The following TMEM108 variants were observed in gnomAD, a reference collection of about 807,000 sequenced individuals.
TMEM108 encodes cancer/testis antigen 124.
Under a neutral mutation model 35.1 loss-of-function variants are expected in TMEM108, and 12 were observed. The ratio of observed to expected loss-of-function variants is 0.34; its 90% CI spans 0.22 to 0.55. TMEM108 has a LOEUF of 0.55. Among genes scored for constraint, TMEM108 ranks in the 20% least tolerant of loss-of-function variants. TMEM108 has a pLI of 0.89. For synonymous variants in TMEM108, 287 were observed against 308.6 expected (o/e 0.93, Z 0.73); for missense variants, 680 against 753.3 (o/e 0.90, Z 1.14).
chr3:133,072,597 T>C (rs1047583151), intron 2 of TMEM108, among the ~76,000 whole-genome samples: 6 of 152,184 alleles, frequency 3.9e-5, no homozygotes, highest in African/African-American at 1.4e-4. Context: ...TTTTGCTCTT[T>C]ACCGCATACC....
In TMEM108 at chr3:133,344,176, T is replaced by TA. The variant is rs566157443; in HGVS notation, c.41-35572dup. ...TTAAAAACCCTTAAATTCAAAAAAGTAAAACCTCTCCTTAGTGCAATAAAA... is the reference window on the plus strand; with the variant it reads ...TTAAAAACCCTTAAATTCAAAAAAGTAAAAACCTCTCCTTAGTGCAATAAAA... On this transcript the variant is annotated intron_variant, in intron 3 of 5. Transcript: ENST00000321871. 4.2e-3 allele frequency among the ~76,000 whole-genome samples: 637 copies of TA among 151,866 alleles called. 2 individuals carry two copies. The highest frequency in any genetic ancestry group is 5.9e-3 in the Non-Finnish European group (400 of 67,774).
At chr3:133,154,468 C>G (rs138973243) in intron 2 of TMEM108, among the ~76,000 whole-genome samples, 166 of 152,204 alleles carry the variant, frequency 1.1e-3, no homozygotes, top group African/African-American at 3.8e-3. Flanking sequence ...ACCCAAATGT[C>G]CAACAACGAT....
intron 2 of TMEM108, among the ~76,000 whole-genome samples, chr3:133,159,424 T>G (rs1368934886): frequency 6.6e-6 from 1 of 152,202 alleles, no homozygotes; most frequent in Non-Finnish European, 1.5e-5. Context: ...GTAGCTAACT[T>G]ACTTTCCTCC....
chr3:133,128,748 G>T (rs550344183), intron 2 of TMEM108, among the ~76,000 whole-genome samples: 10 of 152,300 alleles, frequency 6.6e-5, no homozygotes, highest in African/African-American at 2.4e-4. Flanking sequence ...GGCCTGCAAA[G>T]TTACTTCCTA....
chr3:133,091,586 T>C (rs990402287), intron 2 of TMEM108, among the ~76,000 whole-genome samples: 1 of 152,260 alleles, frequency 6.6e-6, no homozygotes, highest in Admixed American at 6.5e-5. Flanking sequence ...ATTAGTATCA[T>C]ACTTGAAAAC....
At chr3:133,342,559 C>T (rs59310991) in intron 3 of TMEM108, among the ~76,000 whole-genome samples, 17,187 of 40,570 alleles carry the variant, frequency 0.42, 3,028 homozygotes, top group Non-Finnish European at 0.5. Flanking sequence ...TATATATACA[C>T]ACACACACAC....
intron 4 of TMEM108, chr3:133,388,386 T>G (rs988545290): frequency 8.8e-5 from 87 of 984,148 alleles, no homozygotes; most frequent in Non-Finnish European, 9.8e-5. Context: ...TCCTCTAGAA[T>G]AAGGAGGCGG....
chr3:133,341,586 T>C (rs1219240916), intron 3 of TMEM108, among the ~76,000 whole-genome samples: 1 of 151,804 alleles, frequency 6.6e-6, no homozygotes, highest in Non-Finnish European at 1.5e-5. Flanking sequence ...GCCAAAGCTA[T>C]CCTAAGCAAA....
At chr3:133,368,524 C>T (rs1328593253) in intron 3 of TMEM108, among the ~76,000 whole-genome samples, 2 of 152,134 alleles carry the variant, frequency 1.3e-5, no homozygotes, top group African/African-American at 4.8e-5. Flanking sequence ...AGTTAGGTTC[C>T]AGCTCAGCTT....
At chr3:133,285,737 T>A (rs978536517) in intron 3 of TMEM108, among the ~76,000 whole-genome samples, 9 of 152,220 alleles carry the variant, frequency 5.9e-5, no homozygotes, top group Non-Finnish European at 1.2e-4. Flanking sequence ...CTTTAGTCCC[T>A]TTTTCCTGCA....
chr3:133,177,147 C>T (rs996454016), intron 2 of TMEM108, among the ~76,000 whole-genome samples: 1 of 152,218 alleles, frequency 6.6e-6, no homozygotes, highest in Non-Finnish European at 1.5e-5. Context: ...AGACCAATAA[C>T]AGGCTCTGAA....
chr3:133,114,606 C>A (rs371675923), intron 2 of TMEM108, among the ~76,000 whole-genome samples: 2 of 152,072 alleles, frequency 1.3e-5, no homozygotes, highest in African/African-American at 4.8e-5. Context: ...TGATTTGATT[C>A]CCTGCCTCCT....
At chr3:133,370,326 C>T (rs1425664364) in intron 3 of TMEM108, among the ~76,000 whole-genome samples, 1 of 152,126 alleles carries the variant, frequency 6.6e-6, no homozygotes, top group Non-Finnish European at 1.5e-5. Flanking sequence ...TAGACTATCC[C>T]TCAATTGGGA....
intron 3 of TMEM108, among the ~76,000 whole-genome samples, chr3:133,275,152 A>G (rs1946821765): frequency 6.6e-6 from 1 of 152,170 alleles, no homozygotes; most frequent in Non-Finnish European, 1.5e-5. Flanking sequence ...TGACTCTACA[A>G]CTAACTGCCC....
At chr3:133,043,002 G>A (rs1291986215) in intron 1 of TMEM108, among the ~76,000 whole-genome samples, 1 of 152,212 alleles carries the variant, frequency 6.6e-6, no homozygotes, top group Non-Finnish European at 1.5e-5. Flanking sequence ...TCTCTTTGCA[G>A]CTCATTCTTT....
At chr3:133,287,549 A>G (rs1246337500) in intron 3 of TMEM108, among the ~76,000 whole-genome samples, 1 of 152,122 alleles carries the variant, frequency 6.6e-6, no homozygotes, top group Non-Finnish European at 1.5e-5. Context: ...GCTCCTTTGT[A>G]TGGGATTGTC....
intron 4 of TMEM108, among the ~76,000 whole-genome samples, chr3:133,384,060 T>G (rs561265880): frequency 5.9e-5 from 9 of 152,254 alleles, no homozygotes; most frequent in African/African-American, 2.2e-4. Context: ...CCTCATCTAT[T>G]TGGACTGTTT....
intron 2 of TMEM108, among the ~76,000 whole-genome samples, chr3:133,226,908 G>C (rs1038638771): frequency 5.3e-5 from 8 of 152,128 alleles, no homozygotes; most frequent in Admixed American, 3.3e-4. Flanking sequence ...TGGGAGGCAA[G>C]GGAGGAGCAA....
At chr3:133,375,066 A>G (rs1052150698) in intron 3 of TMEM108, among the ~76,000 whole-genome samples, 7 of 152,194 alleles carry the variant, frequency 4.6e-5, no homozygotes, top group African/African-American at 1.7e-4. Flanking sequence ...TAATAATACT[A>G]CCTGCTTCAT....
Sources: gnomAD v4.1 joint callset for allele counts (sites outside exome capture counted in the v4.1 genomes callset) on GRCh38, gnomAD v4.1.1 for gene constraint, MANE v1.5 for transcripts, NCBI Gene and HGNC (gene_info 2026-07-23, HGNC 2026-07-21) for gene names.